Variants in FBXO11 observed in about 807,000 individuals in gnomAD.
FBXO11 encodes the protein F-box protein 11.
A neutral mutation model predicts 117.0 loss-of-function variants in FBXO11; 13 were observed. The ratio of observed to expected loss-of-function variants is 0.11; its 90% CI spans 0.07 to 0.18. The LOEUF (loss-of-function observed/expected upper bound fraction) is 0.18. Among genes scored for constraint, FBXO11 ranks in the 10% least tolerant of loss-of-function variants. The pLI, the probability that FBXO11 is intolerant of heterozygous loss-of-function variation, is 1.00. For missense variants in FBXO11, 767 were observed against 1,164.4 expected, an observed-to-expected ratio of 0.66 and a Z score of 4.97; for synonymous variants, 490 against 380.5, an observed-to-expected ratio of 1.29 and a Z score of -3.35.
rs557487360 is a variant in FBXO11, at chr2:47,894,544, T to G, written c.232+10945A>C. ...GAATCACATATTAAAGTCCACAGTA[T>G]TTTTTTAAAATTCTTAAATACAAAA... On this transcript the variant is annotated intron_variant, in intron 1 of 22. Transcript: ENST00000403359. 9.9e-5 allele frequency among the ~76,000 whole-genome samples: 15 copies of G among 152,194 alleles called. No homozygotes were observed. In the East Asian group the frequency reaches 2.7e-3, roughly 27 times the overall value.
At chr2:47,846,928 A>T (rs1452780583) in intron 1 of FBXO11, among the ~76,000 whole-genome samples, 2 of 152,170 alleles carry the variant, frequency 1.3e-5, no homozygotes, top group African/African-American at 4.8e-5. Flanking sequence ...ACATACAGTC[A>T]CTTATCACTT....
At chr2:47,841,799 C>T (rs1308324273) in intron 1 of FBXO11, among the ~76,000 whole-genome samples, 1 of 151,026 alleles carries the variant, frequency 6.6e-6, no homozygotes, top group Non-Finnish European at 1.5e-5. Flanking sequence ...CACCACCATG[C>T]CTGGCTAACT....
chr2:47,871,267 C>G (rs1306117745), intron 1 of FBXO11, among the ~76,000 whole-genome samples: 2 of 152,160 alleles, frequency 1.3e-5, no homozygotes, highest in African/African-American at 4.8e-5. Context: ...GTGGATAGGA[C>G]CAGGCAACAG....
chr2:47,826,019 T>A (rs989594329), intron 11 of FBXO11, among the ~76,000 whole-genome samples: 3 of 152,126 alleles, frequency 2.0e-5, no homozygotes, highest in Non-Finnish European at 4.4e-5. Context: ...TTCTTTAGGT[T>A]TTGATTTTAC....
intron 11 of FBXO11, among the ~76,000 whole-genome samples, chr2:47,832,098 G>A (rs532942287): frequency 5.9e-5 from 9 of 152,054 alleles, no homozygotes; most frequent in Admixed American, 3.3e-4. Context: ...CTTAATTAAC[G>A]AGTTATACCT....
At position 47,806,968 on chromosome 2, in the gene FBXO11, T is replaced by C; in HGVS notation, c.*1150A>G. 1.1e-6 allele frequency: 1 copy of C among 882,076 alleles called. No individual in the cohort carries two copies. The highest frequency in any genetic ancestry group is 2.0e-5 in the Admixed American group (1 of 49,614). The allele number at this position is 882,076 out of a possible 1,614,324, so 54.6% of individuals were successfully genotyped here. On this transcript the variant is annotated 3_prime_UTR_variant, in exon 23 of 23. Transcript: ENST00000403359. ...TTTAAAAATGACCATTTTTCCATTT[T>C]CTTTCTAGGAAATTAAACCCTTTTA...
Position 47,817,199 on chromosome 2 carries a change from A to AT in FBXO11, c.2006+1579dup, listed in dbSNP as rs1158517637. Among the ~76,000 whole-genome samples, 10 of 152,274 alleles carry AT rather than the reference A, an allele frequency of 6.6e-5. 1 individual carries two copies. The highest frequency in any genetic ancestry group is 4.6e-4 in the Admixed American group (7 of 15,294). ...CACTTAGCTTTTTTTCTTAAACCTC[A>AT]TGAATCAACCTCTGCTAGCTTCAAA... is the stretch of plus-strand genomic sequence containing the variant. On this transcript the variant is annotated intron_variant, in intron 16 of 22. Coordinates refer to ENST00000403359, the MANE Select transcript of FBXO11 (RefSeq NM_001190274.2).
rs767463168 is a variant in FBXO11 at position 47,836,007 on chromosome 2, C to G, written c.588-6G>C. On this transcript the variant is annotated splice_polypyrimidine_tract_variant and splice_region_variant and intron_variant, in intron 4 of 22. Coordinates refer to ENST00000403359, the MANE Select transcript of FBXO11 (RefSeq NM_001190274.2). ...CTTCCATATATAATCGTTTCCTGAA[C>G]AGAGAAAGGAATTAAAATTTTCTTG... 6 of 1,564,466 alleles carry G rather than the reference C, an allele frequency of 3.8e-6. No homozygotes were observed. The highest frequency in any genetic ancestry group is 5.2e-6 in the Non-Finnish European group (6 of 1,154,612).
intron 11 of FBXO11, among the ~76,000 whole-genome samples, chr2:47,827,467 C>A (rs1259655309): frequency 1.3e-5 from 2 of 152,044 alleles, no homozygotes; most frequent in Non-Finnish European, 2.9e-5. Context: ...CCACCACGCC[C>A]AGCTAATTTT....
chr2:47,905,620 T>A lies in FBXO11; in HGVS notation c.101A>T (p.Gln34Leu), dbSNP rs1038446251. ...QQQPPQQPPPQPPQQQPPQQQ... is the reference protein window; with the variant it reads ...QQQPPQQPPPLPPQQQPPQQQ... ...CTGGGGCGGCTGCTGCTGGGGCGGCTGCGGCGGCGGCTGCTGCGGGGGCTG... is the reference window on the plus strand; with the variant it reads ...CTGGGGCGGCTGCTGCTGGGGCGGCAGCGGCGGCGGCTGCTGCGGGGGCTG... Residue 34 changes from glutamine to leucine, a missense_variant, in exon 1 of 23, where the codon CAG (glutamine) becomes CTG (leucine). By Grantham distance (113) the Gln-to-Leu change is moderately radical (BLOSUM62 -2). This residue lies in a region of FBXO11 where 355 missense variants were observed against 299.8 expected (regional missense o/e 1.18). Transcript: ENST00000403359. The A allele has an allele frequency of 4.0e-5, 55 of 1,369,090 alleles. No homozygotes were observed. Among genetic ancestry groups the A allele is most frequent in the Non-Finnish European group, 5.2e-5 (55 of 1,058,282 alleles). The allele number at this position is 1,369,090 out of a possible 1,614,324, so 84.8% of individuals were successfully genotyped here.
At chr2:47,848,978 A>G (rs187475412) in intron 1 of FBXO11, among the ~76,000 whole-genome samples, 9 of 152,298 alleles carry the variant, frequency 5.9e-5, no homozygotes, top group Middle Eastern at 6.8e-3. Context: ...TTTCCCCACA[A>G]ATACACAAAT....
intron 11 of FBXO11, among the ~76,000 whole-genome samples, chr2:47,828,967 T>G (rs1671976808): frequency 6.6e-6 from 1 of 152,036 alleles, no homozygotes; most frequent in Non-Finnish European, 1.5e-5. Context: ...CAGGCTGGAG[T>G]GCAGTGGCAT....
At chr2:47,890,288 T>C (rs1677162793) in intron 1 of FBXO11, among the ~76,000 whole-genome samples, 1 of 152,192 alleles carries the variant, frequency 6.6e-6, no homozygotes, top group Non-Finnish European at 1.5e-5. Context: ...CTGAACTGAC[T>C]TCCTGATTAT....
Position 47,901,094 on chromosome 2 carries a change from TAC to T in FBXO11, c.232+4393_232+4394del, listed in dbSNP as rs1324255831. Among the ~76,000 whole-genome samples the T allele has an allele frequency of 7.1e-3, 816 of 114,620 alleles. 12 individuals are homozygous for T. The highest frequency in any genetic ancestry group is 0.022 in the African/African-American group (704 of 31,506). The allele number at this position is 114,620 out of a possible 152,430, so 75.2% of individuals were successfully genotyped here. A position where few individuals can be genotyped will look rare whatever the true frequency, so the allele number is the denominator to read the frequency against. On this transcript the variant is annotated intron_variant, in intron 1 of 22. Transcript: ENST00000403359. The stretch of plus-strand genomic sequence containing the variant: ...ATATACACACGTGTGTACATATATA[TAC>T]ATATATATGTATATATGTACACACG...
intron 1 of FBXO11, 75 bp downstream of exon 1, chr2:47,905,402 CCCCGCCCGCCCG>C (rs545418712): frequency 0.027 from 29,736 of 1,095,122 alleles, 528 homozygotes; most frequent in Admixed American, 0.08. Flanking sequence ...CGCAGGCCGC[CCCCGCCCGCCCG>C]CCCGCCCGCC....
chr2:47,867,452 G>C (rs1407029964), intron 1 of FBXO11, among the ~76,000 whole-genome samples: 1 of 152,202 alleles, frequency 6.6e-6, no homozygotes, highest in Admixed American at 6.5e-5. Flanking sequence ...TCTTTGGTCA[G>C]AACTGTTCAC....
chr2:47,847,980 C>T (rs1426375865), intron 1 of FBXO11, among the ~76,000 whole-genome samples: 2 of 151,488 alleles, frequency 1.3e-5, no homozygotes, highest in African/African-American at 4.9e-5. Flanking sequence ...AAAAATTAGC[C>T]GGGCGTGGTG....
In FBXO11 at chr2:47,819,200, G is replaced by A. The variant is rs58820699; in HGVS notation, c.1798-122C>T. ...TTTTGTTTTTTCATCCGAGTAAGGA[G>A]GTAATGGCAATATTCTTTTGTTTTG... On this transcript the variant is annotated intron_variant, in intron 14 of 22. Coordinates refer to ENST00000403359, the MANE Select transcript of FBXO11 (RefSeq NM_001190274.2). 199 of 833,164 alleles carry A rather than the reference G, an allele frequency of 2.4e-4. 2 individuals are homozygous for A. In the East Asian group the frequency reaches 4.4e-3, roughly 19 times the overall value. 51.6% of individuals were successfully genotyped at this position (833,164 alleles called of 1,614,324 possible). A position where few individuals can be genotyped will look rare whatever the true frequency, so the allele number is the denominator to read the frequency against.
At chr2:47,854,923 A>G (rs1674163098) in intron 1 of FBXO11, among the ~76,000 whole-genome samples, 1 of 151,182 alleles carries the variant, frequency 6.6e-6, no homozygotes, top group African/African-American at 2.4e-5. Context: ...ACCTTTTATT[A>G]AGAGATGGCT....
Sources: allele counts gnomAD v4.1 joint callset (sites outside exome capture counted in the v4.1 genomes callset), GRCh38; gene constraint gnomAD v4.1.1; regional missense constraint gnomAD v4.1.1; transcripts MANE v1.5; gene names NCBI Gene and HGNC (gene_info 2026-07-23, HGNC 2026-07-21).